MAF: variants seen among roughly 807,000 people sequenced by gnomAD.
MAF encodes the protein transcription factor Maf.
A neutral mutation model predicts 22.0 loss-of-function variants in MAF; 10 were observed. The observed-to-expected ratio is 0.45, with a 90% confidence interval of 0.28 to 0.77. The LOEUF (loss-of-function observed/expected upper bound fraction) is 0.77, where lower values mean the gene tolerates loss of function less well. Among genes scored for constraint, MAF ranks in the 30% least tolerant of loss-of-function variants. The pLI is 0.12. For missense variants in MAF, 544 were observed against 548.4 expected, an observed-to-expected ratio of 0.99 and a Z score of 0.08; for synonymous variants, 337 against 255.8, an observed-to-expected ratio of 1.32 and a Z score of -3.03.
the MAF span, among the ~76,000 whole-genome samples, chr16:79,454,508 A>G: frequency 6.6e-6 from 1 of 152,196 alleles, no homozygotes; most frequent in Non-Finnish European, 1.5e-5. Flanking sequence ...GAAGAAAAGG[A>G]AGAACTGCCA....
At chr16:79,569,745 G>C in the MAF span, among the ~76,000 whole-genome samples, 1 of 152,140 alleles carries the variant, frequency 6.6e-6, no homozygotes, top group African/African-American at 2.4e-5. Context: ...AATTGATCTG[G>C]GCTGGGGAAT....
chr16:79,460,030 C>T, the MAF span, among the ~76,000 whole-genome samples: 1 of 152,176 alleles, frequency 6.6e-6, no homozygotes, highest in Admixed American at 6.5e-5. Context: ...CAAAAAGGCT[C>T]ATTCTGCTTT....
chr16:79,496,141 A>T, the MAF span, among the ~76,000 whole-genome samples: 1 of 152,332 alleles, frequency 6.6e-6, no homozygotes, highest in African/African-American at 2.4e-5. Flanking sequence ...GCTATTTTAA[A>T]GCCACTAAGT....
At chr16:79,395,744 G>A in the MAF span, among the ~76,000 whole-genome samples, 94 of 152,278 alleles carry the variant, frequency 6.2e-4, no homozygotes, top group African/African-American at 2.1e-3. Context: ...GGTTCCCCAA[G>A]CTGTGCGAGA....
At chr16:79,216,345 T>G in the MAF span, among the ~76,000 whole-genome samples, 1 of 152,236 alleles carries the variant, frequency 6.6e-6, no homozygotes, top group Non-Finnish European at 1.5e-5. Flanking sequence ...CACATATATG[T>G]ATTGCATATA....
Position 79,600,142 on chromosome 16 carries a change from G to T in MAF, c.-240C>A. On this transcript the variant is annotated 5_prime_UTR_variant, in exon 1 of 2. Coordinates refer to ENST00000326043, the MANE Select transcript of MAF (RefSeq NM_005360.5). ...CCTGCTCACGCCAATGTGCTCCCTC[G>T]CTCGCCCCGGCCCCTCCTTGCTCGC... is the stretch of plus-strand genomic sequence containing the variant. 2 of 462,926 alleles carry T rather than the reference G, an allele frequency of 4.3e-6. No homozygotes were observed. The highest frequency in any genetic ancestry group is 7.4e-6 in the Non-Finnish European group (2 of 268,800). The allele number at this position is 462,926 out of a possible 1,614,324, so 28.7% of individuals were successfully genotyped here.
chr16:79,570,831 T>G, the MAF span, among the ~76,000 whole-genome samples: 1 of 152,198 alleles, frequency 6.6e-6, no homozygotes, highest in Non-Finnish European at 1.5e-5. Context: ...AGCAAACATT[T>G]ACTGGGAATA....
At chr16:79,557,848 G>A in the MAF span, among the ~76,000 whole-genome samples, 1 of 151,960 alleles carries the variant, frequency 6.6e-6, no homozygotes, top group Non-Finnish European at 1.5e-5. Context: ...CATTATGAAG[G>A]AGACATGTGG....
the MAF span, among the ~76,000 whole-genome samples, chr16:79,542,009 AG>A: frequency 1.3e-5 from 2 of 152,132 alleles, no homozygotes; most frequent in African/African-American, 2.4e-5. Context: ...GCATTTGCTC[AG>A]TTTCCTCAAG....
At chr16:79,296,725 C>T in the MAF span, among the ~76,000 whole-genome samples, 36 of 152,056 alleles carry the variant, frequency 2.4e-4, no homozygotes, top group African/African-American at 8.0e-4. Flanking sequence ...ACAGAAACCT[C>T]AGGCCTCAGA....
At chr16:79,243,706 A>C in the MAF span, among the ~76,000 whole-genome samples, 6 of 152,024 alleles carry the variant, frequency 3.9e-5, no homozygotes, top group Admixed American at 3.9e-4. Flanking sequence ...ATCCTCCCTA[A>C]CTCATTTTAT....
At chr16:79,294,912 C>T in the MAF span, among the ~76,000 whole-genome samples, 2 of 152,146 alleles carry the variant, frequency 1.3e-5, no homozygotes, top group Non-Finnish European at 2.9e-5. Context: ...GAACAAGGAA[C>T]AAAGAAGGAG....
chr16:79,438,904 G>A, the MAF span, among the ~76,000 whole-genome samples: 2 of 152,194 alleles, frequency 1.3e-5, no homozygotes, highest in East Asian at 3.8e-4. Context: ...ACCGTCCAGG[G>A]AGGTAGGTAG....
At chr16:79,500,759 T>G in the MAF span, among the ~76,000 whole-genome samples, 3 of 152,128 alleles carry the variant, frequency 2.0e-5, no homozygotes, top group African/African-American at 7.2e-5. Context: ...AAAGTACCAG[T>G]AGAGATGCAG....
chr16:79,211,344 TTTA>T, the MAF span, among the ~76,000 whole-genome samples: 69 of 152,190 alleles, frequency 4.5e-4, no homozygotes, highest in Admixed American at 4.5e-3. Context: ...GATATGTGTA[TTTA>T]TTTTCCAAGC....
chr16:79,336,616 G>C, the MAF span, among the ~76,000 whole-genome samples: 1 of 152,056 alleles, frequency 6.6e-6, no homozygotes, highest in Non-Finnish European at 1.5e-5. Context: ...TTCCAGTTCA[G>C]TGTTTGGTTA....
the MAF span, among the ~76,000 whole-genome samples, chr16:79,511,982 G>C: frequency 6.6e-6 from 1 of 152,274 alleles, no homozygotes; most frequent in African/African-American, 2.4e-5. Flanking sequence ...CATCTCAGGG[G>C]ACAGAGTTGA....
chr16:79,498,032 G>A, the MAF span, among the ~76,000 whole-genome samples: 1 of 152,222 alleles, frequency 6.6e-6, no homozygotes, highest in South Asian at 2.1e-4. Flanking sequence ...AAGAAGGTAG[G>A]ACTTTCCATT....
the MAF span, among the ~76,000 whole-genome samples, chr16:79,546,352 G>A: frequency 1.3e-5 from 2 of 151,866 alleles, no homozygotes; most frequent in Admixed American, 1.3e-4. Flanking sequence ...CTAGTTTTAG[G>A]GAATAAACTT....
Sources: gnomAD v4.1 joint callset for allele counts (sites outside exome capture counted in the v4.1 genomes callset) on GRCh38, gnomAD v4.1.1 for gene constraint, MANE v1.5 for transcripts, NCBI Gene and HGNC (gene_info 2026-07-23, HGNC 2026-07-21) for gene names.